The following ZEB2 variants were observed in gnomAD, a reference collection of about 807,000 sequenced individuals.
ZEB2 encodes the protein zinc finger E-box binding homeobox 2.
Under a neutral mutation model 99.9 loss-of-function variants are expected in ZEB2, and 6 were observed. That is an observed-to-expected ratio of 0.06 (90% CI 0.03 to 0.12). The LOEUF (loss-of-function observed/expected upper bound fraction) is 0.12, where lower values mean the gene tolerates loss of function less well. Among genes scored for constraint, ZEB2 ranks in the 10% least tolerant of loss-of-function variants. The pLI, the probability that ZEB2 is intolerant of heterozygous loss-of-function variation, is 1.00. For synonymous variants in ZEB2, 517 were observed against 542.5 expected (o/e 0.95, Z 0.65); for missense variants, 969 against 1,502.8 (o/e 0.64, Z 5.87).
chr2:144,396,386 A>C, intron 9 of ZEB2, 26 bp downstream of exon 9: 1 of 1,612,364 alleles, frequency 6.2e-7, no homozygotes. Context: ...GGGAAGCTCT[A>C]ACCAGTTAGG....
chr2:144,498,699 G>A (rs556641988), intron 2 of ZEB2, among the ~76,000 whole-genome samples: 3 of 152,298 alleles, frequency 2.0e-5, no homozygotes, highest in East Asian at 3.9e-4. Context: ...GGAACAACCA[G>A]CTGAGCTGTC....
chr2:144,390,857 A>T (rs1703146481), intron 9 of ZEB2, among the ~76,000 whole-genome samples: 1 of 152,198 alleles, frequency 6.6e-6, no homozygotes, highest in Non-Finnish European at 1.5e-5. Context: ...CCAGGCCACA[A>T]ATAGCACTGG....
rs1245021031 is a variant in ZEB2, at chr2:144,389,093, A to G, written c.*358T>C. On this transcript the variant is annotated 3_prime_UTR_variant, in exon 10 of 10. Coordinates refer to ENST00000627532, the MANE Select transcript of ZEB2 (RefSeq NM_014795.4). This position sits in a 1 kb window ranked among gnomAD's most constrained non-coding sequence, Gnocchi z 6.8. ...TAGTGCGGGCACCTTTTTAAAATGT[A>G]TTAATATAAATTAGACATAGTTTTT... 1.9e-6 allele frequency: 1 copy of G among 524,844 alleles called. No individual in the cohort carries two copies. The highest frequency in any genetic ancestry group is 3.3e-6 in the Non-Finnish European group (1 of 299,876). The allele number at this position is 524,844 out of a possible 1,614,324, so 32.5% of individuals were successfully genotyped here.
chr2:144,445,491 C>T (rs1703971350), intron 2 of ZEB2, among the ~76,000 whole-genome samples: 1 of 152,068 alleles, frequency 6.6e-6, no homozygotes, highest in Non-Finnish European at 1.5e-5. Context: ...CCCTGCCTAG[C>T]TAATGAACAC....
At chr2:144,409,614 TA>T (rs763730827) in intron 4 of ZEB2, among the ~76,000 whole-genome samples, 20 of 152,192 alleles carry the variant, frequency 1.3e-4, no homozygotes, top group Non-Finnish European at 2.5e-4. Flanking sequence ...CATTTAGTCC[TA>T]AAATTTACCC....
At chr2:144,411,280 T>C (rs1019385053) in intron 4 of ZEB2, among the ~76,000 whole-genome samples, 1 of 151,800 alleles carries the variant, frequency 6.6e-6, no homozygotes, top group Non-Finnish European at 1.5e-5. Flanking sequence ...ACTGTATTTA[T>C]CATCTTTTTG....
chr2:144,403,817 C>T, intron 6 of ZEB2, 99 bp downstream of exon 6: 1 of 1,505,938 alleles, frequency 6.6e-7, no homozygotes, highest in Non-Finnish European at 9.2e-7. Context: ...TCTGCATCTT[C>T]AAAATGCCAT....
intron 9 of ZEB2, among the ~76,000 whole-genome samples, chr2:144,392,557 A>G (rs899859211): frequency 2.0e-5 from 3 of 152,260 alleles, no homozygotes; most frequent in Admixed American, 6.5e-5. Flanking sequence ...TAAAATGTTC[A>G]GTTATGATAC....
At chr2:144,458,225 G>C (rs528639555) in intron 2 of ZEB2, among the ~76,000 whole-genome samples, 1 of 151,908 alleles carries the variant, frequency 6.6e-6, no homozygotes, top group Non-Finnish European at 1.5e-5. Context: ...CTGAAGTAAA[G>C]GTAAATTTAA....
chr2:144,516,408 G>A lies in ZEB2; in HGVS notation c.73+870C>T, dbSNP rs113266835. On this transcript the variant is annotated intron_variant, in intron 2 of 9. Coordinates refer to ENST00000627532, the MANE Select transcript of ZEB2 (RefSeq NM_014795.4). ...GTCCCCCCGCGTCCCTTCTCTGGCTGTCTCCAAAACGGACCTACCAAACTC... is the reference window on the plus strand; with the variant it reads ...GTCCCCCCGCGTCCCTTCTCTGGCTATCTCCAAAACGGACCTACCAAACTC... 9.1e-3 allele frequency: 1,209 copies of A among 133,086 alleles called. 28 individuals carry two copies. The highest frequency in any genetic ancestry group is 0.033 in the African/African-American group (1,138 of 34,292). The allele number at this position is 133,086 out of a possible 1,614,324, so 8.2% of individuals were successfully genotyped here.
intron 2 of ZEB2, 117 bp downstream of exon 2, chr2:144,517,161 A>C: frequency 7.3e-7 from 1 of 1,362,060 alleles, no homozygotes; most frequent in Non-Finnish European, 1.0e-6. Context: ...GGCTCGCCCT[A>C]GAGCCCTGGG....
chr2:144,462,767 T>C (rs1420049190), intron 2 of ZEB2: 3 of 152,132 alleles, frequency 2.0e-5, no homozygotes, highest in Admixed American at 6.5e-5. Flanking sequence ...TTTCTAGCAC[T>C]GCAAAGAAAG....
At chr2:144,509,943 C>T (rs748157407) in intron 2 of ZEB2, among the ~76,000 whole-genome samples, 3 of 152,044 alleles carry the variant, frequency 2.0e-5, no homozygotes, top group Non-Finnish European at 2.9e-5. Context: ...CACAAGAGAA[C>T]GTGAATACCA....
At chr2:144,458,911 G>T (rs1033996561) in intron 2 of ZEB2, among the ~76,000 whole-genome samples, 2 of 152,144 alleles carry the variant, frequency 1.3e-5, no homozygotes, top group Non-Finnish European at 2.9e-5. Context: ...GATAAAAGAC[G>T]TAAGCTCGGA....
At chr2:144,424,892 A>T (rs781574730) in intron 3 of ZEB2, 25 bp from the exon 4 acceptor site, 2 of 1,612,316 alleles carry the variant, frequency 1.2e-6, no homozygotes, top group African/African-American at 1.3e-5. Flanking sequence ...TATCTTTAGC[A>T]TTTGAGAATT....
At chr2:144,433,639 C>T (rs920069115) in intron 2 of ZEB2, among the ~76,000 whole-genome samples, 2 of 152,112 alleles carry the variant, frequency 1.3e-5, no homozygotes, top group African/African-American at 4.8e-5. Context: ...ATTTAAAAGG[C>T]TTTATAGTTT....
chr2:144,401,749 T>C (rs750589748), intron 6 of ZEB2, among the ~76,000 whole-genome samples: 3 of 152,166 alleles, frequency 2.0e-5, no homozygotes, highest in Non-Finnish European at 4.4e-5. Context: ...ACAAAAGTTA[T>C]CAATTTTTTT....
chr2:144,391,974 C>T (rs972911503), intron 9 of ZEB2, among the ~76,000 whole-genome samples: 1 of 152,164 alleles, frequency 6.6e-6, no homozygotes, highest in African/African-American at 2.4e-5. Context: ...TTATATAAAG[C>T]ATTTAGTACA....
chr2:144,447,299 A>C (rs541516964), intron 2 of ZEB2, among the ~76,000 whole-genome samples: 1 of 152,282 alleles, frequency 6.6e-6, no homozygotes, highest in East Asian at 1.9e-4. Flanking sequence ...GACTGGGGTA[A>C]TCAATAAGTA....
Sources: gnomAD v4.1 joint callset for allele counts (sites outside exome capture counted in the v4.1 genomes callset) on GRCh38, gnomAD v4.1.1 for gene constraint, Gnocchi (gnomAD v3.1) non-coding constraint, MANE v1.5 for transcripts, NCBI Gene and HGNC (gene_info 2026-07-23, HGNC 2026-07-21) for gene names.